PTPRN2: variants seen among roughly 807,000 people sequenced by gnomAD.
PTPRN2 encodes the protein protein tyrosine phosphatase receptor type N2, also known as receptor-type tyrosine-protein phosphatase N2.
PTPRN2 carries 74 observed loss-of-function variants against 118.8 expected under a neutral mutation model. The observed-to-expected ratio is 0.62, with a 90% CI of 0.52 to 0.76. The LOEUF (loss-of-function observed/expected upper bound fraction) is 0.76. Among genes scored for constraint, PTPRN2 ranks in the 30% least tolerant of loss-of-function variants. The pLI is 0.00. For synonymous variants in PTPRN2, 641 were observed against 608.0 expected, an observed-to-expected ratio of 1.05 and a Z score of -0.80; for missense variants, 1,481 against 1,394.4, an observed-to-expected ratio of 1.06 and a Z score of -0.99.
chr7:158,036,756 C>G (rs989365473), intron 11 of PTPRN2, among the ~76,000 whole-genome samples: 1 of 152,022 alleles, frequency 6.6e-6, no homozygotes, highest in Non-Finnish European at 1.5e-5. Flanking sequence ...CATCCTTAAC[C>G]CAATAAAAGT....
At chr7:157,824,299 G>A (rs1807034014) in intron 12 of PTPRN2, among the ~76,000 whole-genome samples, 2 of 152,334 alleles carry the variant, frequency 1.3e-5, no homozygotes, top group South Asian at 4.1e-4. Flanking sequence ...CAGGGGGCGA[G>A]CTTGTTGTGC....
intron 2 of PTPRN2, among the ~76,000 whole-genome samples, chr7:158,423,862 G>A (rs1815471656): frequency 6.6e-6 from 1 of 151,970 alleles, no homozygotes; most frequent in African/African-American, 2.4e-5. Context: ...GTCCCTTTAC[G>A]GCCAACACTG....
intron 11 of PTPRN2, among the ~76,000 whole-genome samples, chr7:157,931,429 A>C (rs1326149259): frequency 6.6e-6 from 1 of 152,250 alleles, no homozygotes; most frequent in African/African-American, 2.4e-5. Context: ...CAGAGCCGTC[A>C]GCACAACAGA....
Position 157,622,174 on chromosome 7 carries a change from C to A in PTPRN2, c.2197-665G>T, listed in dbSNP as rs1184951537. On this transcript the variant is annotated intron_variant, in intron 14 of 22. Coordinates refer to ENST00000389418, the MANE Select transcript of PTPRN2 (RefSeq NM_002847.5). The surrounding 1 kb of genome is among the most constrained non-coding windows in gnomAD (Gnocchi z 5.3). Reference sequence around the variant, plus strand: ...ATTCATCTGTACCGTTGAGAACAAGCCCTGATTTTAAGAAAGAACATTTCA... The same window carrying A: ...ATTCATCTGTACCGTTGAGAACAAGACCTGATTTTAAGAAAGAACATTTCA... Among the ~76,000 whole-genome samples, 2 of 151,994 alleles carry A rather than the reference C, an allele frequency of 1.3e-5. No individual in the cohort carries two copies. The highest frequency in any genetic ancestry group is 4.8e-5 in the African/African-American group (2 of 41,386).
intron 1 of PTPRN2, among the ~76,000 whole-genome samples, chr7:158,500,850 G>A (rs1822308912): frequency 1.3e-5 from 2 of 152,376 alleles, no homozygotes; most frequent in African/African-American, 2.4e-5. Context: ...GACCTAATGC[G>A]TCCGGAGCAG....
chr7:157,670,563 G>A (rs946475726), intron 13 of PTPRN2, among the ~76,000 whole-genome samples: 11 of 152,128 alleles, frequency 7.2e-5, no homozygotes, highest in African/African-American at 1.9e-4. Context: ...TTTAACCCAC[G>A]ATGCCTGCAA....
chr7:157,657,438 ACAC>A (rs1795593227), intron 13 of PTPRN2, among the ~76,000 whole-genome samples: 1 of 130,944 alleles, frequency 7.6e-6, no homozygotes, highest in African/African-American at 3.0e-5. Flanking sequence ...CCACACACAC[ACAC>A]CACACACATC....
intron 5 of PTPRN2, among the ~76,000 whole-genome samples, chr7:158,187,133 C>T (rs930022064): frequency 6.6e-6 from 1 of 152,212 alleles, no homozygotes; most frequent in Non-Finnish European, 1.5e-5. Context: ...TCAATAAGTG[C>T]TCAATTAGTG....
At chr7:157,933,027 A>G (rs973843666) in intron 11 of PTPRN2, among the ~76,000 whole-genome samples, 1 of 144,934 alleles carries the variant, frequency 6.9e-6, no homozygotes, top group African/African-American at 2.6e-5. Flanking sequence ...AGTCATCCTG[A>G]TTGACAGTTT....
chr7:158,325,533 G>A (rs1803430545), intron 2 of PTPRN2, among the ~76,000 whole-genome samples: 1 of 152,224 alleles, frequency 6.6e-6, no homozygotes, highest in Non-Finnish European at 1.5e-5. Flanking sequence ...TGTGTAAACA[G>A]CATATTAAGG....
At chr7:158,317,162 G>A (rs1802403797) in intron 2 of PTPRN2, among the ~76,000 whole-genome samples, 1 of 152,206 alleles carries the variant, frequency 6.6e-6, no homozygotes, top group South Asian at 2.1e-4. Flanking sequence ...AGAAAGTCCA[G>A]TGTGGCTGCA....
At chr7:158,340,128 C>T in intron 2 of PTPRN2, among the ~76,000 whole-genome samples, 1 of 76,764 alleles carries the variant, frequency 1.3e-5, no homozygotes, top group Non-Finnish European at 2.9e-5. Flanking sequence ...GAGGTGACAC[C>T]TGGAGACGTC....
chr7:158,129,030 C>A (rs758770306), intron 9 of PTPRN2, among the ~76,000 whole-genome samples: 5 of 151,598 alleles, frequency 3.3e-5, no homozygotes, highest in Non-Finnish European at 7.4e-5. Flanking sequence ...CCACACACAC[C>A]ACATATACAA....
chr7:158,391,081 G>A (rs1028416921), intron 2 of PTPRN2, among the ~76,000 whole-genome samples: 3 of 152,196 alleles, frequency 2.0e-5, no homozygotes, highest in African/African-American at 4.8e-5. Context: ...TCCCTCTTGC[G>A]ACGGTTGTAA....
intron 2 of PTPRN2, among the ~76,000 whole-genome samples, chr7:158,373,185 T>A (rs781619637): frequency 1.3e-5 from 2 of 152,246 alleles, no homozygotes; most frequent in African/African-American, 4.8e-5. Context: ...TGACAGCAGA[T>A]GTGCTTTCCT....
intron 2 of PTPRN2, among the ~76,000 whole-genome samples, chr7:158,323,296 G>A (rs951130003): frequency 6.6e-6 from 1 of 152,098 alleles, no homozygotes; most frequent in Non-Finnish European, 1.5e-5. Context: ...CAGAAGGCTG[G>A]ACCCCACAGA....
At chr7:157,921,941 C>T (rs573621573) in intron 11 of PTPRN2, among the ~76,000 whole-genome samples, 4 of 152,032 alleles carry the variant, frequency 2.6e-5, no homozygotes, top group Non-Finnish European at 5.9e-5. Flanking sequence ...AATGGAGAGA[C>T]GGGGCGTGGA....
At chr7:157,916,648 C>G (rs1798413976) in intron 11 of PTPRN2, among the ~76,000 whole-genome samples, 3 of 152,254 alleles carry the variant, frequency 2.0e-5, no homozygotes, top group African/African-American at 7.2e-5. Context: ...ACAAGCACTG[C>G]TTCTGATGTC....
At chr7:158,226,359 G>A (rs1030782614) in intron 3 of PTPRN2, among the ~76,000 whole-genome samples, 2 of 152,204 alleles carry the variant, frequency 1.3e-5, no homozygotes, top group Non-Finnish European at 2.9e-5. Context: ...CTGCAAGAGA[G>A]GTTGGCTAGG....
Sources: gnomAD v4.1 joint callset for allele counts (sites outside exome capture counted in the v4.1 genomes callset) on GRCh38, gnomAD v4.1.1 for gene constraint, Gnocchi (gnomAD v3.1) non-coding constraint, MANE v1.5 for transcripts, NCBI Gene and HGNC (gene_info 2026-07-23, HGNC 2026-07-21) for gene names.